Variants in TRAK1 observed in about 807,000 individuals in gnomAD.
TRAK1 encodes trafficking kinesin protein 1.
TRAK1 carries 33 observed loss-of-function variants against 92.1 expected under a neutral mutation model. The observed-to-expected ratio is 0.36, with a 90% CI of 0.27 to 0.48. TRAK1 has a LOEUF of 0.48. Ranked by LOEUF, TRAK1 falls within the 20% of genes least tolerant of loss-of-function variation. The pLI, the probability that TRAK1 is intolerant of heterozygous loss-of-function variation, is 0.99. For missense variants in TRAK1, 1,123 were observed against 1,257.9 expected, an observed-to-expected ratio of 0.89 and a Z score of 1.62; for synonymous variants, 521 against 517.3, an observed-to-expected ratio of 1.01 and a Z score of -0.10.
intron 2 of TRAK1, among the ~76,000 whole-genome samples, chr3:42,174,416 A>G (rs1046059989): frequency 6.6e-6 from 1 of 152,194 alleles, no homozygotes; most frequent in East Asian, 1.9e-4. Flanking sequence ...CAGTGCTGAT[A>G]TCCTGGTTGG....
At chr3:42,166,496 C>A (rs965098249) in intron 2 of TRAK1, among the ~76,000 whole-genome samples, 1 of 152,154 alleles carries the variant, frequency 6.6e-6, no homozygotes, top group Non-Finnish European at 1.5e-5. Flanking sequence ...GTGTCTCTCT[C>A]GACCTTGGAC....
intron 1 of TRAK1, among the ~76,000 whole-genome samples, chr3:42,078,622 G>A (rs539269655): frequency 8.6e-5 from 13 of 151,814 alleles, no homozygotes; most frequent in East Asian, 7.8e-4. Flanking sequence ...GTGTGGTGGC[G>A]GGTGCCTGTA....
upstream of TRAK1, among the ~76,000 whole-genome samples, chr3:42,086,660 A>G (rs994217805): frequency 6.6e-6 from 1 of 152,112 alleles, no homozygotes; most frequent in South Asian, 2.1e-4. Flanking sequence ...TTCTCACTGT[A>G]GCTTAAGGTA....
Position 42,069,320 on chromosome 3 carries a change from C to CAAAAA in TRAK1, c.-518-17777_-518-17773dup, listed in dbSNP as rs67809792. Among the ~76,000 whole-genome samples the CAAAAA allele has an allele frequency of 1.0e-3, 144 of 137,264 alleles. 11 individuals carry two copies. The highest frequency in any genetic ancestry group is 1.4e-3 in the East Asian group (7 of 4,854). The allele number at this position is 137,264 out of a possible 152,430, so 90.1% of individuals were successfully genotyped here. ...TGGGTGACACAGCAAGACCCTGTCT[C>CAAAAA]AAAAAAAAAAAGAAAAAAGAAAAGT... is the stretch of plus-strand genomic sequence containing the variant. On this transcript the variant is annotated intron_variant, in intron 1 of 16. Transcript: ENST00000487159.
chr3:42,218,314 T>C (rs140565633), intron 14 of TRAK1: 1,024 of 985,340 alleles, frequency 1.0e-3, no homozygotes, highest in Middle Eastern at 2.6e-3. Flanking sequence ...AAATATACCA[T>C]AAGGAGCTAG....
At chr3:42,066,469 G>A (rs1703684478) in intron 1 of TRAK1, among the ~76,000 whole-genome samples, 1 of 152,028 alleles carries the variant, frequency 6.6e-6, no homozygotes, top group Admixed American at 6.6e-5. Context: ...AAGGCTGGGT[G>A]TGGACATCGA....
intron 1 of TRAK1, among the ~76,000 whole-genome samples, chr3:42,120,211 G>T (rs1355029597): frequency 1.3e-5 from 2 of 152,154 alleles, no homozygotes; most frequent in Admixed American, 1.3e-4. Context: ...GACAGGCTGG[G>T]GGTTGGTGGG....
intron 2 of TRAK1, chr3:42,160,315 A>G (rs1701109606): frequency 5.0e-6 from 8 of 1,607,698 alleles, no homozygotes; most frequent in Non-Finnish European, 6.8e-6. Context: ...GGCACCCCCA[A>G]GGATGGTCCC....
At chr3:42,074,494 G>A (rs920754562) in intron 1 of TRAK1, among the ~76,000 whole-genome samples, 2 of 152,184 alleles carry the variant, frequency 1.3e-5, no homozygotes, top group African/African-American at 2.4e-5. Flanking sequence ...CTTCATGAGC[G>A]AGCTGGCCAC....
At chr3:42,129,952 A>T (rs908594262) in intron 2 of TRAK1, among the ~76,000 whole-genome samples, 11 of 152,292 alleles carry the variant, frequency 7.2e-5, no homozygotes, top group African/African-American at 2.6e-4. Context: ...TAGTTTCAAA[A>T]TCTGTCAGTA....
chr3:42,110,159 C>T (rs1230107573), intron 1 of TRAK1, among the ~76,000 whole-genome samples: 6 of 134,918 alleles, frequency 4.4e-5, no homozygotes, highest in Admixed American at 7.7e-5. Context: ...CAAAATTGGA[C>T]ACTAAAAATA....
intron 2 of TRAK1, among the ~76,000 whole-genome samples, chr3:42,128,657 G>C (rs1710901744): frequency 1.3e-5 from 2 of 152,164 alleles, no homozygotes; most frequent in African/African-American, 4.8e-5. Context: ...TATGAACATA[G>C]ACACACATAG....
chr3:42,202,520 G>A lies in TRAK1; in HGVS notation c.1512G>A (p.Leu504=). 2.6e-6 allele frequency: 4 copies of A among 1,542,532 alleles called. No homozygotes were observed. Among genetic ancestry groups the A allele is most frequent in the Non-Finnish European group, 3.5e-6 (4 of 1,137,586 alleles). ...AGACGGCGCTGAGGCGGCTGTCCCT[G>A]CGCCGGGAGAACTACCTCTCGGAGA... ...DLETALRRLS[L]RRENYLSERR... is the part of the protein sequence containing the mutation. The change falls in exon 13 of 16, where the codon CTG becomes CTA. Residue 504 remains leucine, a synonymous_variant. Coordinates refer to ENST00000327628, the MANE Select transcript of TRAK1 (RefSeq NM_001042646.3). The surrounding 1 kb of genome is among the most constrained non-coding windows in gnomAD (Gnocchi z 6.1).
At chr3:42,067,037 A>G (rs1703711311) in intron 1 of TRAK1, among the ~76,000 whole-genome samples, 1 of 152,128 alleles carries the variant, frequency 6.6e-6, no homozygotes, top group South Asian at 2.1e-4. Context: ...TCTGCTTTGG[A>G]TTACTTATCA....
intron 13 of TRAK1, among the ~76,000 whole-genome samples, chr3:42,207,991 G>T (rs1188639010): frequency 1.3e-5 from 2 of 152,086 alleles, no homozygotes; most frequent in Admixed American, 6.5e-5. Context: ...GATGCCGTTC[G>T]TCCACAGCTG....
intron 1 of TRAK1, among the ~76,000 whole-genome samples, chr3:42,022,737 A>AAGAC (rs1553700068): frequency 6.6e-6 from 1 of 150,444 alleles, no homozygotes; most frequent in African/African-American, 2.4e-5. Flanking sequence ...AAAAAAAACA[A>AAGAC]AAACAAAAAA....
Position 42,091,456 on chromosome 3 carries a change from G to A in TRAK1, c.-14G>A, listed in dbSNP as rs772999291. On this transcript the variant is annotated 5_prime_UTR_variant, in exon 1 of 16. Coordinates refer to ENST00000327628, the MANE Select transcript of TRAK1 (RefSeq NM_001042646.3). ...CTCTGTTCTCTGAAGTGCCTTTGGA[G>A]TTTATGTCTGCACATGGCATTGGTT... 5.6e-6 allele frequency: 9 copies of A among 1,613,122 alleles called. No individual in the cohort carries two copies. In the South Asian group the frequency reaches 9.9e-5, roughly 18 times the overall value.
intron 2 of TRAK1, among the ~76,000 whole-genome samples, chr3:42,137,551 A>G (rs1559818431): frequency 6.6e-6 from 1 of 152,260 alleles, no homozygotes; most frequent in Non-Finnish European, 1.5e-5. Context: ...ATTTCAAGAA[A>G]GATGGGTTTT....
In TRAK1 at chr3:42,078,481, C is replaced by T. The variant is rs111429080; in HGVS notation, c.-518-8623C>T. ...AGAAAGATGAGGCAGAGGCCAGGCA[C>T]GGTGGCTTATGCCTGTAATCCCAGC... is the stretch of plus-strand genomic sequence containing the variant. On this transcript the variant is annotated intron_variant, in intron 1 of 16. Transcript: ENST00000487159. 4.8e-3 allele frequency among the ~76,000 whole-genome samples: 725 copies of T among 152,184 alleles called. 3 individuals carry two copies. Among genetic ancestry groups the T allele is most frequent in the Non-Finnish European group, 8.1e-3 (550 of 68,024 alleles).
Sources: gnomAD v4.1 joint callset for allele counts (sites outside exome capture counted in the v4.1 genomes callset) on GRCh38, gnomAD v4.1.1 for gene constraint, Gnocchi (gnomAD v3.1) non-coding constraint, MANE v1.5 for transcripts, NCBI Gene and HGNC (gene_info 2026-07-23, HGNC 2026-07-21) for gene names.